NAV3: variants seen among roughly 807,000 people sequenced by gnomAD.
The protein encoded by NAV3 is pore membrane and/or filament interacting like protein 1.
A neutral mutation model predicts 244.7 loss-of-function variants in NAV3; 87 were observed. The ratio of observed to expected loss-of-function variants is 0.36; its 90% CI spans 0.30 to 0.42. The LOEUF (loss-of-function observed/expected upper bound fraction) is 0.42, where lower values mean the gene tolerates loss of function less well. Among genes scored for constraint, NAV3 ranks in the 20% least tolerant of loss-of-function variants. NAV3 has a pLI of 1.00. For synonymous variants in NAV3, 1,126 were observed against 1,042.2 expected, an observed-to-expected ratio of 1.08 and a Z score of -1.55; for missense variants, 2,663 against 2,893.3, an observed-to-expected ratio of 0.92 and a Z score of 1.83.
chr12:78,034,401 C>T (rs559230615), intron 9 of NAV3, among the ~76,000 whole-genome samples: 2 of 152,300 alleles, frequency 1.3e-5, no homozygotes, highest in African/African-American at 4.8e-5. Context: ...TCCCAGGACC[C>T]TCCGAGTCCA....
intron 12 of NAV3, among the ~76,000 whole-genome samples, chr12:78,076,452 C>T (rs1489419301): frequency 6.6e-6 from 1 of 152,016 alleles, no homozygotes; most frequent in Admixed American, 6.5e-5. Context: ...TATGACATAC[C>T]CAAAGACAGG....
At chr12:77,792,797 T>C (rs1871240783) in intron 2 of NAV3, among the ~76,000 whole-genome samples, 1 of 152,196 alleles carries the variant, frequency 6.6e-6, no homozygotes. Flanking sequence ...TTAAAATCTT[T>C]GTACACTTAA....
At chr12:77,706,267 T>G (rs956556812) in intron 2 of NAV3, among the ~76,000 whole-genome samples, 1 of 151,450 alleles carries the variant, frequency 6.6e-6, no homozygotes, top group African/African-American at 2.4e-5. Context: ...CCCTTATGAA[T>G]GCTGAAAAAA....
At chr12:78,135,807 T>G (rs1364463839) in intron 18 of NAV3, among the ~76,000 whole-genome samples, 5 of 152,134 alleles carry the variant, frequency 3.3e-5, no homozygotes, top group Admixed American at 6.6e-5. Flanking sequence ...ATCCTCTCCC[T>G]CTCCCTTTTT....
chr12:78,007,384 C>A lies in NAV3; in HGVS notation c.1846C>A (p.Leu616Ile), dbSNP rs1874420358. The A allele has an allele frequency of 6.2e-7, 1 of 1,614,158 alleles. No homozygotes were observed. Among genetic ancestry groups the A allele is most frequent in the Non-Finnish European group, 8.5e-7 (1 of 1,180,032 alleles). Residue 616 changes from leucine (L) to isoleucine (I), a missense_variant, in exon 8 of 40, where the codon CTC (leucine) becomes ATC (isoleucine). Around this residue, in one of 6 missense-constraint regions of NAV3, gnomAD observed 1,521 missense variants for 1,497.0 expected, o/e 1.02. Coordinates refer to ENST00000397909, the MANE Select transcript of NAV3 (RefSeq NM_001024383.2). ...GAGCACAGGAAATGGTGCTGTCCAA[C>A]TCCCTCAACAGCAGCAACATAGCCA... ...GQSTGNGAVQ[L>I]PQQQQHSHPN...
intron 12 of NAV3, among the ~76,000 whole-genome samples, chr12:78,071,084 G>A (rs1045794239): frequency 1.3e-5 from 2 of 151,782 alleles, no homozygotes; most frequent in African/African-American, 4.8e-5. Context: ...GGGATGGCTG[G>A]GTCAAATGGT....
chr12:78,151,782 A>G (rs542005663), intron 22 of NAV3, among the ~76,000 whole-genome samples: 39 of 151,572 alleles, frequency 2.6e-4, no homozygotes, highest in African/African-American at 9.2e-4. Flanking sequence ...ATAATTTTAT[A>G]AGATATATAA....
chr12:77,741,566 T>G (rs1417262398), intron 2 of NAV3, among the ~76,000 whole-genome samples: 1 of 152,146 alleles, frequency 6.6e-6, no homozygotes, highest in East Asian at 1.9e-4. Flanking sequence ...TCAAGACTTG[T>G]CAGTTTTGAT....
At chr12:78,144,602 C>T (rs919695019) in intron 20 of NAV3, among the ~76,000 whole-genome samples, 9 of 151,606 alleles carry the variant, frequency 5.9e-5, no homozygotes, top group South Asian at 2.1e-4. Context: ...TCATGCTATA[C>T]GGTATGTATA....
intron 12 of NAV3, among the ~76,000 whole-genome samples, chr12:78,063,796 A>G (rs898939699): frequency 3.9e-5 from 6 of 152,104 alleles, no homozygotes; most frequent in African/African-American, 1.4e-4. Flanking sequence ...GGGGAGTGAG[A>G]GCATAAAGGC....
chr12:78,200,402 A>G, intron 37 of NAV3, 71 bp from the exon 38 acceptor site: 2 of 858,884 alleles, frequency 2.3e-6, no homozygotes, highest in Non-Finnish European at 3.4e-6. Context: ...ATATTCCAAA[A>G]TGGTGTCTAG....
intron 2 of NAV3, among the ~76,000 whole-genome samples, chr12:77,630,243 A>T (rs1352653368): frequency 6.6e-6 from 1 of 152,106 alleles, no homozygotes; most frequent in Non-Finnish European, 1.5e-5. Context: ...GGTGGTGAGG[A>T]ACCTCCTAAT....
At chr12:77,663,825 G>T (rs951669517) in intron 2 of NAV3, among the ~76,000 whole-genome samples, 12 of 152,152 alleles carry the variant, frequency 7.9e-5, no homozygotes, top group Non-Finnish European at 1.5e-4. Context: ...CCAGCCAGCA[G>T]TATTTCTTTT....
intron 1 of NAV3, among the ~76,000 whole-genome samples, chr12:77,922,767 A>G (rs1887832001): frequency 6.6e-6 from 1 of 152,188 alleles, no homozygotes; most frequent in Non-Finnish European, 1.5e-5. Context: ...AGACCAAAAA[A>G]TACTCTTAAA....
At chr12:77,963,861 C>G (rs989848658) in intron 3 of NAV3, among the ~76,000 whole-genome samples, 7 of 90,164 alleles carry the variant, frequency 7.8e-5, no homozygotes, top group African/African-American at 2.7e-4. Flanking sequence ...CCCTCCCTCC[C>G]TCCCTCCCTC....
chr12:78,168,658 T>C, intron 23 of NAV3, 97 bp from the exon 24 acceptor site: 2 of 694,984 alleles, frequency 2.9e-6, no homozygotes, highest in East Asian at 5.5e-5. Context: ...AGGAGGTTGT[T>C]ACTACATAAA....
chr12:77,858,800 T>A (rs1319969530), intron 1 of NAV3, among the ~76,000 whole-genome samples: 1 of 152,108 alleles, frequency 6.6e-6, no homozygotes, highest in African/African-American at 2.4e-5. Flanking sequence ...TATATCCATA[T>A]AACAATAACT....
At chr12:77,771,059 A>G (rs2135876792) in intron 2 of NAV3, among the ~76,000 whole-genome samples, 1 of 152,326 alleles carries the variant, frequency 6.6e-6, no homozygotes, top group Non-Finnish European at 1.5e-5. Flanking sequence ...ACTGAAACAA[A>G]TTTACAAGAA....
intron 2 of NAV3, among the ~76,000 whole-genome samples, chr12:77,596,969 T>A (rs1870198843): frequency 6.6e-6 from 1 of 152,102 alleles, no homozygotes; most frequent in South Asian, 2.1e-4. Context: ...AGTCAAGGCT[T>A]GAGTACTTCT....
Sources: allele counts gnomAD v4.1 joint callset (sites outside exome capture counted in the v4.1 genomes callset), GRCh38; gene constraint gnomAD v4.1.1; regional missense constraint gnomAD v4.1.1; transcripts MANE v1.5; gene names NCBI Gene and HGNC (gene_info 2026-07-23, HGNC 2026-07-21).